The following SLC35F4 variants were observed in gnomAD, a reference collection of about 807,000 sequenced individuals.
SLC35F4 encodes solute carrier family 35 member F4.
SLC35F4 carries 24 observed loss-of-function variants against 44.2 expected under a neutral mutation model. The observed-to-expected ratio is 0.54, with a 90% CI of 0.39 to 0.76. The LOEUF (loss-of-function observed/expected upper bound fraction) is 0.76, where lower values mean the gene tolerates loss of function less well. SLC35F4 is among the 30% of genes least tolerant of loss of function. The pLI is 0.00. For synonymous variants in SLC35F4, 238 were observed against 223.6 expected (o/e 1.06, Z -0.57); for missense variants, 562 against 586.1 (o/e 0.96, Z 0.42).
chr14:57,834,721 C>T (rs1175229730), intron 1 of SLC35F4, among the ~76,000 whole-genome samples: 1 of 152,122 alleles, frequency 6.6e-6, no homozygotes, highest in Non-Finnish European at 1.5e-5. Context: ...AAAATTGCTT[C>T]TCAGAGAACC....
chr14:57,743,391 A>T (rs1274660139), intron 1 of SLC35F4, among the ~76,000 whole-genome samples: 1 of 152,200 alleles, frequency 6.6e-6, no homozygotes, highest in African/African-American at 2.4e-5. Flanking sequence ...GATAAAGGGG[A>T]TATCACCACC....
upstream of SLC35F4, among the ~76,000 whole-genome samples, chr14:57,868,058 T>C (rs1398284486): frequency 6.6e-6 from 1 of 152,186 alleles, no homozygotes; most frequent in Non-Finnish European, 1.5e-5. Flanking sequence ...TAAATCTCCA[T>C]AGAAGTAGAT....
At chr14:57,576,042 A>G (rs1017864686) in intron 4 of SLC35F4, among the ~76,000 whole-genome samples, 2 of 151,734 alleles carry the variant, frequency 1.3e-5, no homozygotes, top group African/African-American at 2.4e-5. Flanking sequence ...AAAGCCCACA[A>G]AGGTTTGGTC....
At chr14:57,680,968 T>A (rs887247837) in intron 1 of SLC35F4, among the ~76,000 whole-genome samples, 1 of 152,040 alleles carries the variant, frequency 6.6e-6, no homozygotes, top group Non-Finnish European at 1.5e-5. Context: ...AAATTCAATG[T>A]TCTTCCCATC....
chr14:57,693,596 T>A (rs950681122), intron 1 of SLC35F4, among the ~76,000 whole-genome samples: 1 of 152,182 alleles, frequency 6.6e-6, no homozygotes, highest in Non-Finnish European at 1.5e-5. Flanking sequence ...TTTAAGTTAA[T>A]CTATAATCTA....
intron 4 of SLC35F4, among the ~76,000 whole-genome samples, chr14:57,577,181 T>C (rs1244222557): frequency 5.9e-5 from 9 of 152,212 alleles, no homozygotes; most frequent in Admixed American, 3.3e-4. Context: ...CATAAATCAG[T>C]AGCAGCTCAG....
At chr14:57,860,378 C>T (rs1453023045) in intron 1 of SLC35F4, among the ~76,000 whole-genome samples, 1 of 152,052 alleles carries the variant, frequency 6.6e-6, no homozygotes, top group East Asian at 1.9e-4. Context: ...TGAAGAGAGG[C>T]GAAGTAAATG....
chr14:57,791,363 A>G (rs1045238450), intron 1 of SLC35F4, among the ~76,000 whole-genome samples: 3 of 152,248 alleles, frequency 2.0e-5, no homozygotes, highest in Non-Finnish European at 2.9e-5. Flanking sequence ...TTTATGGCCA[A>G]CAAACATGTG....
chr14:57,800,285 G>C (rs1595094796), intron 1 of SLC35F4, among the ~76,000 whole-genome samples: 1 of 152,118 alleles, frequency 6.6e-6, no homozygotes, highest in African/African-American at 2.4e-5. Context: ...AGAGTGGCCT[G>C]ACTGTTAAAA....
At chr14:57,680,736 G>A (rs1374551362) in intron 1 of SLC35F4, among the ~76,000 whole-genome samples, 5 of 152,070 alleles carry the variant, frequency 3.3e-5, no homozygotes. Flanking sequence ...TAGACAAACA[G>A]AGAGCCAAAT....
At chr14:57,639,293 CAA>C (rs2073132969) in intron 1 of SLC35F4, among the ~76,000 whole-genome samples, 1 of 152,082 alleles carries the variant, frequency 6.6e-6, no homozygotes, top group Non-Finnish European at 1.5e-5. Flanking sequence ...ATTAATGACA[CAA>C]GATATACCAC....
chr14:57,761,892 T>TA lies in SLC35F4; in HGVS notation c.103+103830dup, dbSNP rs200042885. ...GCAACAGAAACCTTCTCATGTTACT[T>TA]AAAAAAAAAGATGGAATTTGTTAAA... On this transcript the variant is annotated intron_variant, in intron 1 of 7. Transcript: ENST00000556826. 2.1e-3 allele frequency among the ~76,000 whole-genome samples: 311 copies of TA among 151,184 alleles called. 3 individuals carry two copies. Among genetic ancestry groups the TA allele is most frequent in the African/African-American group, 6.9e-3 (286 of 41,274 alleles).
At chr14:57,819,991 G>A (rs1882999985) in intron 1 of SLC35F4, among the ~76,000 whole-genome samples, 1 of 152,044 alleles carries the variant, frequency 6.6e-6, no homozygotes, top group South Asian at 2.1e-4. Flanking sequence ...ATACATGAGA[G>A]GGGTGGAATT....
At chr14:57,717,527 T>G (rs1056775327) in intron 1 of SLC35F4, among the ~76,000 whole-genome samples, 2 of 152,090 alleles carry the variant, frequency 1.3e-5, no homozygotes, top group Non-Finnish European at 2.9e-5. Flanking sequence ...TCCCAGCTAC[T>G]CGGGAGGCTG....
chr14:57,630,674 G>A, intron 1 of SLC35F4: 1 of 653,764 alleles, frequency 1.5e-6, no homozygotes. Context: ...CTAGTCCTAT[G>A]CTCAGTGGCC....
At chr14:57,943,381 G>A (rs955038915) in intron 1 of SLC35F4, among the ~76,000 whole-genome samples, 11 of 152,054 alleles carry the variant, frequency 7.2e-5, no homozygotes, top group Non-Finnish European at 1.3e-4. Context: ...GCTATTCCCT[G>A]GTCTAATTTC....
At chr14:57,766,761 A>G (rs891106165) in intron 1 of SLC35F4, among the ~76,000 whole-genome samples, 1 of 152,260 alleles carries the variant, frequency 6.6e-6, no homozygotes, top group African/African-American at 2.4e-5. Context: ...CAGAATTAAA[A>G]GTGTTCAATA....
intron 1 of SLC35F4, among the ~76,000 whole-genome samples, chr14:57,793,021 G>A (rs1468266386): frequency 6.6e-6 from 1 of 151,688 alleles, no homozygotes; most frequent in Non-Finnish European, 1.5e-5. Context: ...CAAAATTAAG[G>A]GGTGTAACTT....
intron 1 of SLC35F4, among the ~76,000 whole-genome samples, chr14:57,964,448 T>C (rs977302702): frequency 6.6e-6 from 1 of 152,094 alleles, no homozygotes; most frequent in African/African-American, 2.4e-5. Context: ...CTCGAAACAA[T>C]ACTCCTTACT....
Sources: gnomAD v4.1 joint callset for allele counts (sites outside exome capture counted in the v4.1 genomes callset) on GRCh38, gnomAD v4.1.1 for gene constraint, MANE v1.5 for transcripts, NCBI Gene and HGNC (gene_info 2026-07-23, HGNC 2026-07-21) for gene names.